Variants in PCCA observed in about 807,000 individuals in gnomAD.
PCCA encodes propionyl-CoA carboxylase alpha chain, mitochondrial.
Under a neutral mutation model 101.3 loss-of-function variants are expected in PCCA, and 74 were observed. The ratio of observed to expected loss-of-function variants is 0.73; its 90% CI spans 0.61 to 0.89. PCCA has a LOEUF of 0.89. Ranked by LOEUF, PCCA falls within the 40% of genes least tolerant of loss-of-function variation. PCCA has a pLI of 0.00. For missense variants in PCCA, 891 were observed against 907.0 expected (o/e 0.98, Z 0.23); for synonymous variants, 294 against 313.6 (o/e 0.94, Z 0.66).
intron 20 of PCCA, among the ~76,000 whole-genome samples, chr13:100,440,302 G>A (rs1404840141): frequency 6.7e-6 from 1 of 149,406 alleles, no homozygotes; most frequent in Non-Finnish European, 1.5e-5. Context: ...TATTCTGTTT[G>A]CAGATTGTGA....
At chr13:100,296,430 T>A (rs960735600) in intron 12 of PCCA, among the ~76,000 whole-genome samples, 6 of 150,702 alleles carry the variant, frequency 4.0e-5, no homozygotes, top group African/African-American at 9.7e-5. Context: ...TTTTTTTTTT[T>A]AAATAGAGAC....
At chr13:100,367,803 T>G (rs1192373226) in intron 18 of PCCA, among the ~76,000 whole-genome samples, 1 of 151,180 alleles carries the variant, frequency 6.6e-6, no homozygotes, top group Non-Finnish European at 1.5e-5. Context: ...CTAAAAATAC[T>G]AAAAATTAGC....
chr13:100,507,697 C>T (rs1156875026), intron 21 of PCCA, among the ~76,000 whole-genome samples: 1 of 152,130 alleles, frequency 6.6e-6, no homozygotes, highest in African/African-American at 2.4e-5. Context: ...CGCACTGTGG[C>T]CTGGGCTGGA....
chr13:100,397,232 A>G (rs1232694621), intron 19 of PCCA, among the ~76,000 whole-genome samples: 2 of 152,208 alleles, frequency 1.3e-5, no homozygotes, highest in Non-Finnish European at 2.9e-5. Flanking sequence ...GGCTGGGTCG[A>G]GGTGTCATCA....
chr13:100,432,532 A>G (rs893141385), intron 20 of PCCA, among the ~76,000 whole-genome samples: 2 of 152,238 alleles, frequency 1.3e-5, no homozygotes, highest in African/African-American at 2.4e-5. Context: ...ACATGGAAAA[A>G]TAGGTTGGAG....
At chr13:100,501,983 A>T (rs1260481469) in intron 21 of PCCA, among the ~76,000 whole-genome samples, 1 of 152,052 alleles carries the variant, frequency 6.6e-6, no homozygotes, top group African/African-American at 2.4e-5. Flanking sequence ...GCAAGTTTTG[A>T]TGCTTTGGTG....
intron 12 of PCCA, among the ~76,000 whole-genome samples, chr13:100,277,127 C>T (rs2063722070): frequency 6.6e-6 from 1 of 152,140 alleles, no homozygotes; most frequent in Non-Finnish European, 1.5e-5. Flanking sequence ...TGAGGGGATA[C>T]ACAGCCCGGT....
At chr13:100,331,136 G>T (rs1361515926) in intron 17 of PCCA, among the ~76,000 whole-genome samples, 1 of 152,164 alleles carries the variant, frequency 6.6e-6, no homozygotes, top group Non-Finnish European at 1.5e-5. Context: ...TCTGAAAAAT[G>T]AAGTTTTCAA....
At chr13:100,247,131 C>G (rs554574517) in intron 8 of PCCA, among the ~76,000 whole-genome samples, 1 of 151,746 alleles carries the variant, frequency 6.6e-6, no homozygotes, top group East Asian at 1.9e-4. Context: ...TGGTCTCGAA[C>G]TCCTGACCTC....
chr13:100,226,835 T>C (rs1224139723), intron 7 of PCCA, among the ~76,000 whole-genome samples: 3 of 152,186 alleles, frequency 2.0e-5, no homozygotes, highest in African/African-American at 7.2e-5. Flanking sequence ...GGTGCTGTTC[T>C]AATGTGTTTC....
chr13:100,247,733 C>T (rs759093641), intron 8 of PCCA, among the ~76,000 whole-genome samples: 14 of 151,564 alleles, frequency 9.2e-5, no homozygotes, highest in African/African-American at 3.4e-4. Flanking sequence ...CCAGGCTGGT[C>T]TCGGACTCCT....
At position 100,368,573 on chromosome 13, in the gene PCCA, C is replaced by G. The variant is rs16957356; in HGVS notation, c.1745C>G (p.Ser582Trp). The G allele has an allele frequency of 6.4e-7, 1 of 1,573,250 alleles. No individual in the cohort carries two copies. The highest frequency in any genetic ancestry group is 1.4e-5 in the African/African-American group (1 of 73,754). ...VVASNNGSVF[S>W]VEVDGSKLNV... is the part of the protein sequence containing the mutation. ...GCATCAAACAATGGGTCAGTGTTCT[C>G]GGTGAGTTTTCTTTCTTTATTTTCT... The change falls in exon 19 of 24, where the codon TCG (serine) becomes TGG (tryptophan). Residue 582 changes from serine (S) to tryptophan (W), a missense_variant and splice_region_variant. By Grantham distance (177) the Ser-to-Trp change is radical (BLOSUM62 -3). Transcript: ENST00000376285.
intron 6 of PCCA, among the ~76,000 whole-genome samples, chr13:100,191,763 C>T (rs2057759937): frequency 6.6e-6 from 1 of 152,178 alleles, no homozygotes; most frequent in South Asian, 2.1e-4. Context: ...AACATACACC[C>T]AAGGAAGTCA....
chr13:100,209,318 G>A lies in PCCA; in HGVS notation c.469-14G>A, dbSNP rs761945423. ...ATGTTCTTGTTATAAATTTTGACTT[G>A]TTTTTCTCCACAGGCAGCAGAAGAT... On this transcript the variant is annotated splice_polypyrimidine_tract_variant and intron_variant, in intron 6 of 23. Coordinates refer to ENST00000376285, the MANE Select transcript of PCCA (RefSeq NM_000282.4). 6.2e-7 allele frequency: 1 copy of A among 1,612,660 alleles called. No homozygotes were observed. The highest frequency in any genetic ancestry group is 1.1e-5 in the South Asian group (1 of 91,030).
chr13:100,182,084 G>GT (rs1487494313), intron 6 of PCCA, among the ~76,000 whole-genome samples: 4 of 122,208 alleles, frequency 3.3e-5, no homozygotes, highest in African/African-American at 6.2e-5. Flanking sequence ...TACTAATATT[G>GT]TTTTTTTCTT....
In PCCA at chr13:100,268,733, A is replaced by G. The variant is rs771222501; in HGVS notation, c.864A>G (p.Arg288=). 3 of 1,614,026 alleles carry G rather than the reference A, an allele frequency of 1.9e-6. No homozygotes were observed. The highest frequency in any genetic ancestry group is 4.5e-5 in the East Asian group (2 of 44,900). The change falls in exon 11 of 24, where the codon AGA becomes AGG. Residue 288 remains arginine, a synonymous_variant. Transcript: ENST00000376285. Reference sequence around the variant, plus strand: ...GGAATGCTTTATGGCTTAATGAAAGAGAGTGCTCAATTCAGAGAAGAAATC... The same window carrying G: ...GGAATGCTTTATGGCTTAATGAAAGGGAGTGCTCAATTCAGAGAAGAAATC... ...KHGNALWLNE[R]ECSIQRRNQK...
intron 21 of PCCA, among the ~76,000 whole-genome samples, chr13:100,485,879 G>A (rs2084336487): frequency 6.6e-6 from 1 of 152,176 alleles, no homozygotes. Context: ...CTAGGAATGA[G>A]GCTTAAAGCA....
chr13:100,454,821 A>G (rs528201929), intron 21 of PCCA, among the ~76,000 whole-genome samples: 2 of 152,226 alleles, frequency 1.3e-5, no homozygotes, highest in South Asian at 2.1e-4. Flanking sequence ...TTTTTTATTC[A>G]CTCTGAACTT....
intron 4 of PCCA, among the ~76,000 whole-genome samples, chr13:100,123,826 A>T (rs1186918628): frequency 6.6e-6 from 1 of 152,176 alleles, no homozygotes. Context: ...GTTGTTAAAG[A>T]GGGTCTCATG....
Sources: gnomAD v4.1 joint callset for allele counts (sites outside exome capture counted in the v4.1 genomes callset) on GRCh38, gnomAD v4.1.1 for gene constraint, MANE v1.5 for transcripts, NCBI Gene and HGNC (gene_info 2026-07-23, HGNC 2026-07-21) for gene names.